Variants in CD59 observed in about 807,000 individuals in gnomAD.
CD59 encodes CD59 molecule (CD59 blood group).
A neutral mutation model predicts 7.0 loss-of-function variants in CD59; 3 were observed. The ratio of observed to expected loss-of-function variants is 0.43; its 90% CI spans 0.19 to 1.10. CD59 has a LOEUF of 1.10. Among genes scored for constraint, CD59 ranks in the 50% least tolerant of loss-of-function variants. CD59 has a pLI of 0.29. For missense variants in CD59, 143 were observed against 151.0 expected, an observed-to-expected ratio of 0.95 and a Z score of 0.28; for synonymous variants, 60 against 62.0, an observed-to-expected ratio of 0.97 and a Z score of 0.15.
intron 1 of CD59, among the ~76,000 whole-genome samples, chr11:33,731,257 A>G (rs1463221190): frequency 6.6e-6 from 1 of 151,718 alleles, no homozygotes; most frequent in East Asian, 1.9e-4. Context: ...AATATATATT[A>G]CATATATACG....
chr11:33,736,036 C>T lies in CD59; in HGVS notation c.-19+346G>A, dbSNP rs1250803747. Among the ~76,000 whole-genome samples the T allele has an allele frequency of 6.6e-6, 1 of 152,166 alleles. No homozygotes were observed. The highest frequency in any genetic ancestry group is 1.5e-5 in the Non-Finnish European group (1 of 68,032). On this transcript the variant is annotated intron_variant, in intron 1 of 3. Transcript: ENST00000642928. This position sits in a 1 kb window ranked among gnomAD's most constrained non-coding sequence, Gnocchi z 4.4. ...TGGCCTTTCCCCCGGCGCAGTTTCT[C>T]TGGACCGCTAGAGCTTCCCTTGAGA... is the stretch of plus-strand genomic sequence containing the variant.
Position 33,710,252 on chromosome 11 carries a change from G to C in CD59, c.261C>G (p.Tyr87Ter). Reference sequence around the variant, plus strand: ...AGTTACACAGGTCCTTCTTGCAGCAGTAGTACGTTAGCTCATTTTCCCTCA... The same window carrying C: ...AGTTACACAGGTCCTTCTTGCAGCACTAGTACGTTAGCTCATTTTCCCTCA... ...TRLRENELTY[Y>*]CCKKDLCNFN... Residue 87 changes from tyrosine (Y) to a stop codon, truncating the protein, a stop_gained, in exon 4 of 4, where the codon TAC becomes TAG. Coordinates refer to ENST00000642928, the MANE Select transcript of CD59 (RefSeq NM_000611.6). LOFTEE classifies it low-confidence loss of function (END_TRUNC). The C allele has an allele frequency of 6.2e-7, 1 of 1,614,142 alleles. No individual in the cohort carries two copies. Among genetic ancestry groups the C allele is most frequent in the South Asian group, 1.1e-5 (1 of 91,086 alleles).
rs150347783 is a variant in CD59 at position 33,708,273 on chromosome 11, A to C, written c.*1853T>G. 245 of 152,296 alleles carry C rather than the reference A, an allele frequency of 1.6e-3. 1 individual carries two copies. The highest frequency in any genetic ancestry group is 5.6e-3 in the African/African-American group (233 of 41,528). 9.4% of individuals were successfully genotyped at this position (152,296 alleles called of 1,614,324 possible). ...TTGATTTGGACAGCTTAACAGCCCC[A>C]TCTCCCCATTTAGTGGCACTCAGAT... On this transcript the variant is annotated 3_prime_UTR_variant, in exon 4 of 4. Coordinates refer to ENST00000642928, the MANE Select transcript of CD59 (RefSeq NM_000611.6).
At chr11:33,717,821 A>G (rs1351551895) in intron 2 of CD59, 3 of 333,478 alleles carry the variant, frequency 9.0e-6, no homozygotes, top group Non-Finnish European at 1.7e-5. Flanking sequence ...TCTTCCAAGC[A>G]ATGAATATGC....
intron 3 of CD59, among the ~76,000 whole-genome samples, chr11:33,714,456 T>G (rs1375557290): frequency 6.6e-6 from 1 of 152,196 alleles, no homozygotes; most frequent in Non-Finnish European, 1.5e-5. Context: ...TGGAAGTCAG[T>G]GAATGAGTGG....
In CD59 at chr11:33,708,614, A is replaced by C. The variant is rs904352173; in HGVS notation, c.*1512T>G. On this transcript the variant is annotated 3_prime_UTR_variant, in exon 4 of 4. Coordinates refer to ENST00000642928, the MANE Select transcript of CD59 (RefSeq NM_000611.6). Reference sequence around the variant, plus strand: ...CTTCCTCAGGCCAAAAAAAAAAAAAAAAACCTATTGATGTAAGGAAAGACA... The same window carrying C: ...CTTCCTCAGGCCAAAAAAAAAAAAACAAACCTATTGATGTAAGGAAAGACA... The C allele has an allele frequency of 6.6e-6, 1 of 152,128 alleles. No individual in the cohort carries two copies. The highest frequency in any genetic ancestry group is 1.9e-4 in the East Asian group (1 of 5,196). The allele number at this position is 152,128 out of a possible 1,614,324, so 9.4% of individuals were successfully genotyped here. A position where few individuals can be genotyped will look rare whatever the true frequency, so the allele number is the denominator to read the frequency against.
intron 3 of CD59, among the ~76,000 whole-genome samples, chr11:33,716,433 A>G (rs763006346): frequency 6.6e-6 from 1 of 152,088 alleles, no homozygotes; most frequent in African/African-American, 2.4e-5. Flanking sequence ...TAAGAGTACA[A>G]ATAACCTTGT....
intron 1 of CD59, among the ~76,000 whole-genome samples, chr11:33,735,419 T>G (rs1412413386): frequency 6.6e-6 from 1 of 151,664 alleles, no homozygotes; most frequent in Non-Finnish European, 1.5e-5. Flanking sequence ...TGTTGGTTTT[T>G]TTTGTTTGTT....
chr11:33,709,776 T>G lies in CD59; in HGVS notation c.*350A>C, dbSNP rs1486807424. On this transcript the variant is annotated 3_prime_UTR_variant, in exon 4 of 4. Transcript: ENST00000642928. ...CCAAAGATGTACTAATGATGCTAAC[T>G]GACTACATCCAAGGAGCCAGAGGAA... The G allele has an allele frequency of 2.4e-6, 1 of 411,192 alleles. No homozygotes were observed. The highest frequency in any genetic ancestry group is 2.0e-5 in the African/African-American group (1 of 49,198). The allele number at this position is 411,192 out of a possible 1,614,324, so 25.5% of individuals were successfully genotyped here. A position where few individuals can be genotyped will look rare whatever the true frequency, so the allele number is the denominator to read the frequency against.
chr11:33,729,202 C>T (rs895553882), intron 1 of CD59, among the ~76,000 whole-genome samples: 1 of 152,196 alleles, frequency 6.6e-6, no homozygotes, highest in African/African-American at 2.4e-5. Context: ...AAGACACATG[C>T]ACACGTATGC....
At chr11:33,728,479 T>C (rs1201852079) in intron 1 of CD59, among the ~76,000 whole-genome samples, 2 of 152,218 alleles carry the variant, frequency 1.3e-5, no homozygotes, top group Non-Finnish European at 2.9e-5. Context: ...TGTAGAAAGC[T>C]GAAACTGGAT....
chr11:33,713,204 G>T (rs1199432749), intron 3 of CD59, among the ~76,000 whole-genome samples: 2 of 152,160 alleles, frequency 1.3e-5, no homozygotes, highest in African/African-American at 2.4e-5. Context: ...TATTAGTTGA[G>T]AGAGTGGTAT....
intron 2 of CD59, among the ~76,000 whole-genome samples, chr11:33,721,044 G>T (rs1021744051): frequency 1.3e-5 from 2 of 152,028 alleles, no homozygotes; most frequent in Admixed American, 1.3e-4. Context: ...ATGTCACTGG[G>T]CTATTAAAAT....
At chr11:33,710,394 A>G in intron 3 of CD59, 51 bp from the exon 4 acceptor site, 1 of 1,406,036 alleles carries the variant, frequency 7.1e-7, no homozygotes, top group Non-Finnish European at 1.0e-6. Flanking sequence ...AGAGTTCTGT[A>G]TCTGCTTTTG....
rs536322893 is a variant in CD59 at position 33,724,024 on chromosome 11, G to A, written c.-18-1561C>T. On this transcript the variant is annotated intron_variant, in intron 1 of 3. Transcript: ENST00000642928. The stretch of plus-strand genomic sequence containing the variant: ...CTTGGGAGGCTGAGGTGGGAGGATC[G>A]CTTGAGCCCAGGAGGTAAAGGCTAC... Among the ~76,000 whole-genome samples, 409 of 152,224 alleles carry A rather than the reference G, an allele frequency of 2.7e-3. 3 individuals carry two copies. The highest frequency in any genetic ancestry group is 9.5e-3 in the African/African-American group (395 of 41,538).
intron 3 of CD59, among the ~76,000 whole-genome samples, chr11:33,710,802 C>T (rs1262270736): frequency 6.6e-6 from 1 of 151,164 alleles, no homozygotes; most frequent in African/African-American, 2.4e-5. Context: ...AAGTGGTCCT[C>T]CTGCTTCAGC....
chr11:33,729,712 T>C (rs76529441), intron 1 of CD59, among the ~76,000 whole-genome samples: 1 of 149,142 alleles, frequency 6.7e-6, no homozygotes, highest in East Asian at 2.0e-4. Flanking sequence ...AAAAAAAAAA[T>C]ACAGGCACTT....
At chr11:33,730,372 C>G (rs1854381470) in intron 1 of CD59, among the ~76,000 whole-genome samples, 1 of 152,054 alleles carries the variant, frequency 6.6e-6, no homozygotes, top group African/African-American at 2.4e-5. Flanking sequence ...CCAAGACACA[C>G]CACTGCACTC....
chr11:33,732,713 CAA>C (rs1187387348), intron 1 of CD59, among the ~76,000 whole-genome samples: 106 of 152,226 alleles, frequency 7.0e-4, no homozygotes, highest in Middle Eastern at 3.4e-3. Context: ...CCTTTGCCTC[CAA>C]TTACAGGGGG....
Sources: allele counts gnomAD v4.1 joint callset (sites outside exome capture counted in the v4.1 genomes callset), GRCh38; gene constraint gnomAD v4.1.1; non-coding constraint Gnocchi (gnomAD v3.1); transcripts MANE v1.5; gene names NCBI Gene and HGNC (gene_info 2026-07-23, HGNC 2026-07-21).